The following PCDHGA8 variants were observed in gnomAD, a reference collection of about 807,000 sequenced individuals.
PCDHGA8 encodes protocadherin gamma subfamily A, 8.
In PCDHGA8, 45 loss-of-function variants were observed where a neutral mutation model predicts 59.2. The ratio of observed to expected loss-of-function variants is 0.76; its 90% confidence interval spans 0.60 to 0.98. The LOEUF (loss-of-function observed/expected upper bound fraction) is 0.98, where lower values mean the gene tolerates loss of function less well. PCDHGA8 is among the 50% of genes least tolerant of loss of function. The pLI is 0.00. For missense variants in PCDHGA8, 1,257 were observed against 1,196.2 expected (o/e 1.05, Z -0.75); for synonymous variants, 531 against 519.0 (o/e 1.02, Z -0.32).
Position 141,399,638 on chromosome 5 carries a change from G to A in PCDHGA8, c.2424+4401G>A, listed in dbSNP as rs1180030777. The A allele has an allele frequency of 3.7e-6, 6 of 1,613,860 alleles. No individual in the cohort carries two copies. The highest frequency in any genetic ancestry group is 1.3e-5 in the African/African-American group (1 of 75,082). ...GCACTGGCCTCTTACGTGTCCATGAGCGCGCAAAGTGGGGTGGTGTTCGCG... is the reference window on the plus strand; with the variant it reads ...GCACTGGCCTCTTACGTGTCCATGAACGCGCAAAGTGGGGTGGTGTTCGCG... On this transcript the variant is annotated intron_variant, in intron 1 of 3. Coordinates refer to ENST00000398604, the MANE Select transcript of PCDHGA8 (RefSeq NM_032088.2).
chr5:141,405,328 C>T (rs4912606), intron 1 of PCDHGA8: 66,412 of 1,613,986 alleles, frequency 0.041, 1,736 homozygotes, highest in Non-Finnish European at 0.046. Flanking sequence ...AGCCTTTGTG[C>T]GTCTCTGTTG....
rs1405589878 is a variant in PCDHGA8 at position 141,504,323 on chromosome 5, T to A, written c.2484-1070T>A. On this transcript the variant is annotated intron_variant, in intron 2 of 3. Transcript: ENST00000398604. ...CACTCGGAGTTTCTAAAAGTCTCAC[T>A]TAGGTCCAAGTGCTAGGCTTTGTGC... Among the ~76,000 whole-genome samples, 4 of 152,114 alleles carry A rather than the reference T, an allele frequency of 2.6e-5. No individual in the cohort carries two copies. In the East Asian group the frequency reaches 7.7e-4, roughly 29 times the overall value.
chr5:141,405,187 GGTTCGAGCTT>G (rs2094622612), intron 1 of PCDHGA8: 1 of 1,613,360 alleles, frequency 6.2e-7, no homozygotes, highest in African/African-American at 1.3e-5. Context: ...GTGTAGATGG[GGTTCGAGCTT>G]TCCTACAGAC....
At chr5:141,413,806 A>G (rs775797735) in intron 1 of PCDHGA8, 1 of 1,613,168 alleles carries the variant, frequency 6.2e-7, no homozygotes, top group Non-Finnish European at 8.5e-7. Context: ...GGAAGAGGCC[A>G]TTCACCACCT....
At chr5:141,396,656 G>A (rs6580187) in intron 1 of PCDHGA8, 27,943 of 151,880 alleles carry the variant, frequency 0.18, 3,100 homozygotes, top group African/African-American at 0.31. Flanking sequence ...GTAAAAACTC[G>A]GTATAGGCTA....
At chr5:141,441,763 G>A in intron 1 of PCDHGA8, 1 of 384,020 alleles carries the variant, frequency 2.6e-6, no homozygotes, top group Non-Finnish European at 5.2e-6. Flanking sequence ...GTGAGCCTGC[G>A]CGTGTTGGTG....
Position 141,490,611 on chromosome 5 carries a change from G to GCTTTA in PCDHGA8, c.2425-4194_2425-4190dup. On this transcript the variant is annotated intron_variant, in intron 1 of 3. Coordinates refer to ENST00000398604, the MANE Select transcript of PCDHGA8 (RefSeq NM_032088.2). The surrounding 1 kb of genome is among the most constrained non-coding windows in gnomAD (Gnocchi z 5.4). The stretch of plus-strand genomic sequence containing the variant: ...ACAATGCACCCCGCTTCAACCAGCA[G>GCTTTA]CTTTACACTGCTTACATCCTAGAAA... 6.2e-7 allele frequency: 1 copy of GCTTTA among 1,614,170 alleles called. No individual in the cohort carries two copies. Among genetic ancestry groups the GCTTTA allele is most frequent in the Non-Finnish European group, 8.5e-7 (1 of 1,180,036 alleles).
chr5:141,486,161 A>G lies in PCDHGA8; in HGVS notation c.2425-8646A>G. 1 of 1,614,216 alleles carries G rather than the reference A, an allele frequency of 6.2e-7. No individual in the cohort carries two copies. The highest frequency in any genetic ancestry group is 8.5e-7 in the Non-Finnish European group (1 of 1,180,038). ...GGCTCGCGATGGGGGTTCTCCAGCC[A>G]TGGAGCAACATTGCAGCCTTCGAGT... On this transcript the variant is annotated intron_variant, in intron 1 of 3. Coordinates refer to ENST00000398604, the MANE Select transcript of PCDHGA8 (RefSeq NM_032088.2). The surrounding 1 kb of genome is among the most constrained non-coding windows in gnomAD (Gnocchi z 5.0).
intron 1 of PCDHGA8, among the ~76,000 whole-genome samples, chr5:141,473,858 C>T (rs569473917): frequency 6.6e-6 from 1 of 152,168 alleles, no homozygotes; most frequent in Non-Finnish European, 1.5e-5. Flanking sequence ...ATGAACCTCG[C>T]TATTGTGGAG....
chr5:141,464,343 A>C (rs944042669), intron 1 of PCDHGA8, among the ~76,000 whole-genome samples: 7 of 151,212 alleles, frequency 4.6e-5, no homozygotes, highest in African/African-American at 1.5e-4. Context: ...ATGACTTGTC[A>C]TTTAGGTAGT....
chr5:141,433,347 CCTA>C, intron 1 of PCDHGA8: 1 of 626,716 alleles, frequency 1.6e-6, no homozygotes, highest in South Asian at 2.0e-5. Flanking sequence ...GTGCAAGCCA[CCTA>C]CTGTCTGCCT....
rs2099637746 is a variant in PCDHGA8, at chr5:141,486,980, A to G, written c.2425-7827A>G. Reference sequence around the variant, plus strand: ...TGCTGTGGACTTGGATTCAGGTTACAATGCTTGGGTTTCCTATCAGCTCCT... The same window carrying G: ...TGCTGTGGACTTGGATTCAGGTTACGATGCTTGGGTTTCCTATCAGCTCCT... On this transcript the variant is annotated intron_variant, in intron 1 of 3. Coordinates refer to ENST00000398604, the MANE Select transcript of PCDHGA8 (RefSeq NM_032088.2). This position sits in a 1 kb window ranked among gnomAD's most constrained non-coding sequence, Gnocchi z 5.0. The G allele has an allele frequency of 1.2e-6, 2 of 1,614,040 alleles. No individual in the cohort carries two copies. The highest frequency in any genetic ancestry group is 1.3e-5 in the African/African-American group (1 of 74,908).
chr5:141,398,985 A>C, intron 1 of PCDHGA8: 2 of 1,613,964 alleles, frequency 1.2e-6, no homozygotes, highest in Non-Finnish European at 1.7e-6. Context: ...GAACCGGGCA[A>C]ATCTTTAGTC....
intron 1 of PCDHGA8, chr5:141,398,172 A>G (rs1386610242): frequency 6.1e-6 from 9 of 1,476,892 alleles, no homozygotes; most frequent in Non-Finnish European, 7.2e-6. Context: ...AGAGGCTGCC[A>G]GTGCTCTTTC....
At position 141,392,932 on chromosome 5, in the gene PCDHGA8, A is replaced by T. The variant is rs1334314898; in HGVS notation, c.119A>T (p.Asp40Val). Reference sequence around the variant, plus strand: ...CGCTACTCTGTGCCAGAAGAGACGGACAAAGGCTCCTTCGTGGGTAATATC... The same window carrying T: ...CGCTACTCTGTGCCAGAAGAGACGGTCAAAGGCTCCTTCGTGGGTAATATC... ...QIRYSVPEET[D>V]KGSFVGNISK... is the part of the protein sequence containing the mutation. The change falls in exon 1 of 4, where the codon GAC becomes GTC. Residue 40 changes from aspartate to valine, a missense_variant. Coordinates refer to ENST00000398604, the MANE Select transcript of PCDHGA8 (RefSeq NM_032088.2). 1 of 1,613,830 alleles carries T rather than the reference A, an allele frequency of 6.2e-7. No individual in the cohort carries two copies. The highest frequency in any genetic ancestry group is 1.3e-5 in the African/African-American group (1 of 74,946).
chr5:141,473,053 TACA>T (rs1452453123), intron 1 of PCDHGA8, among the ~76,000 whole-genome samples: 1 of 150,200 alleles, frequency 6.7e-6, no homozygotes, highest in Non-Finnish European at 1.5e-5. Flanking sequence ...AAAGAAGTGA[TACA>T]ACAAGTTACA....
At chr5:141,410,693 A>C in intron 1 of PCDHGA8, 1 of 1,496,902 alleles carries the variant, frequency 6.7e-7, no homozygotes, top group Non-Finnish European at 8.9e-7. Flanking sequence ...ATACTACTTT[A>C]TTTTCATATC....
At chr5:141,415,737 A>G in intron 1 of PCDHGA8, 1 of 574,948 alleles carries the variant, frequency 1.7e-6, no homozygotes, top group Non-Finnish European at 2.5e-6. Flanking sequence ...GATGTTTATT[A>G]AGGTTTTTTT....
intron 1 of PCDHGA8, among the ~76,000 whole-genome samples, chr5:141,420,727 G>C (rs1454487477): frequency 2.0e-5 from 3 of 152,180 alleles, no homozygotes; most frequent in African/African-American, 7.2e-5. Flanking sequence ...CTTTCAGTCG[G>C]TTAAAATCAA....
Sources: gnomAD v4.1 joint callset for allele counts (sites outside exome capture counted in the v4.1 genomes callset) on GRCh38, gnomAD v4.1.1 for gene constraint, Gnocchi (gnomAD v3.1) non-coding constraint, MANE v1.5 for transcripts, NCBI Gene and HGNC (gene_info 2026-07-23, HGNC 2026-07-21) for gene names.